The following PSD3 variants were observed in gnomAD, a reference collection of about 807,000 sequenced individuals.
PSD3 encodes the protein PH and SEC7 domain-containing protein 3.
Under a neutral mutation model 105.5 loss-of-function variants are expected in PSD3, and 49 were observed. That is an observed-to-expected ratio of 0.46 (90% confidence interval 0.37 to 0.59). PSD3 has a LOEUF of 0.59. Among genes scored for constraint, PSD3 ranks in the 20% least tolerant of loss-of-function variants. The probability of loss-of-function intolerance (pLI) is 0.00; values close to 1 mark genes in which losing one functional copy is unlikely to be tolerated. For synonymous variants in PSD3, 557 were observed against 457.8 expected, an observed-to-expected ratio of 1.22 and a Z score of -2.77; for missense variants, 1,561 against 1,263.8, an observed-to-expected ratio of 1.24 and a Z score of -3.57.
intron 12 of PSD3, among the ~76,000 whole-genome samples, chr8:18,592,395 C>G (rs1045984725): frequency 6.6e-6 from 1 of 151,860 alleles, no homozygotes; most frequent in Non-Finnish European, 1.5e-5. Flanking sequence ...TTATGCAGAC[C>G]AACACATTAT....
At chr8:18,757,226 G>A (rs1367442880) in intron 9 of PSD3, among the ~76,000 whole-genome samples, 4 of 150,912 alleles carry the variant, frequency 2.7e-5, no homozygotes, top group Admixed American at 2.0e-4. Context: ...GCCGAGGTGG[G>A]TGGATCATTT....
chr8:18,599,412 G>C (rs1001408802), intron 12 of PSD3, among the ~76,000 whole-genome samples: 1 of 152,164 alleles, frequency 6.6e-6, no homozygotes, highest in African/African-American at 2.4e-5. Context: ...CACAAGAAAT[G>C]AAATTAGGAT....
intron 10 of PSD3, among the ~76,000 whole-genome samples, chr8:18,651,249 C>G (rs952169817): frequency 3.9e-5 from 6 of 152,154 alleles, no homozygotes; most frequent in African/African-American, 1.4e-4. Context: ...TTACACTGAA[C>G]CCAGTCAGAA....
At chr8:18,742,293 A>C (rs1439266794) in intron 9 of PSD3, among the ~76,000 whole-genome samples, 6 of 152,160 alleles carry the variant, frequency 3.9e-5, no homozygotes, top group Non-Finnish European at 2.9e-5. Context: ...CCAAGCAACC[A>C]ACCTAGTATC....
intron 2 of PSD3, among the ~76,000 whole-genome samples, chr8:18,933,581 C>T (rs1821888583): frequency 1.3e-5 from 2 of 152,150 alleles, no homozygotes; most frequent in Non-Finnish European, 2.9e-5. Flanking sequence ...GATTCTCGTG[C>T]CTCAGCCTCC....
intron 2 of PSD3, among the ~76,000 whole-genome samples, chr8:18,895,960 A>C (rs1355938493): frequency 4.0e-5 from 6 of 151,600 alleles, no homozygotes; most frequent in African/African-American, 1.5e-4. Context: ...GGCTATACCT[A>C]CTCCCCTTCC....
intron 4 of PSD3, among the ~76,000 whole-genome samples, chr8:18,807,326 G>A (rs899248213): frequency 3.3e-5 from 5 of 152,114 alleles, no homozygotes; most frequent in Admixed American, 2.6e-4. Flanking sequence ...AACCACCACA[G>A]GATTAGAAGG....
At position 18,804,715 on chromosome 8, in the gene PSD3, G is replaced by T. The variant is rs1157751792; in HGVS notation, c.1818C>A (p.His606Gln). ...GGGTCAGAACGTACTTCTTGCCAAG[G>T]TGTTTTGCAACATCTGATCTTTTGA... ...DRFKRSDVAK[H>Q]LGKNNEFSKL... Residue 606 changes from histidine to glutamine, a missense_variant, in exon 5 of 16, where the codon CAC becomes CAA. Transcript: ENST00000327040. The T allele has an allele frequency of 5.0e-6, 8 of 1,613,716 alleles. No homozygotes were observed. The highest frequency in any genetic ancestry group is 6.8e-6 in the Non-Finnish European group (8 of 1,179,896).
At chr8:18,628,052 T>C (rs1459961669) in intron 11 of PSD3, among the ~76,000 whole-genome samples, 1 of 151,472 alleles carries the variant, frequency 6.6e-6, no homozygotes, top group Non-Finnish European at 1.5e-5. Flanking sequence ...ATGAAGTAAA[T>C]GAAGAATAAA....
intron 4 of PSD3, among the ~76,000 whole-genome samples, chr8:18,824,031 G>C (rs1382790169): frequency 6.6e-6 from 1 of 152,026 alleles, no homozygotes; most frequent in Admixed American, 6.6e-5. Context: ...CAAATTTCCA[G>C]GCTTATCTGT....
At chr8:18,816,682 TAATAAGAGAGAGAAAC>T (rs1338238760) in intron 4 of PSD3, among the ~76,000 whole-genome samples, 1 of 152,200 alleles carries the variant, frequency 6.6e-6, no homozygotes, top group Non-Finnish European at 1.5e-5. Flanking sequence ...TTTTACCTTC[TAATAAGAGAGAGAAAC>T]AATAAAATAC....
chr8:18,995,156 G>A lies in PSD3; in HGVS notation c.21+18407C>T, dbSNP rs536063248. Among the ~76,000 whole-genome samples the A allele has an allele frequency of 4.6e-5, 7 of 152,242 alleles. No homozygotes were observed. The South Asian group carries it at 1.5e-3, about 32-fold the overall frequency. ...CCAGAGAATTTAAAAGCTGACAACT[G>A]AACTGGCAAATTGGCCCCAGTACTG... On this transcript the variant is annotated intron_variant, in intron 1 of 15. Coordinates refer to ENST00000327040, the MANE Select transcript of PSD3 (RefSeq NM_015310.4).
chr8:18,625,314 G>A (rs1480563273), intron 11 of PSD3, among the ~76,000 whole-genome samples: 1 of 151,836 alleles, frequency 6.6e-6, no homozygotes, highest in Non-Finnish European at 1.5e-5. Context: ...GGAGACTGCT[G>A]CTTCTGGGTT....
intron 4 of PSD3, among the ~76,000 whole-genome samples, chr8:18,822,000 T>C (rs968724211): frequency 3.3e-5 from 5 of 152,040 alleles, no homozygotes; most frequent in African/African-American, 9.7e-5. Context: ...AGAGTCACAA[T>C]GCACCTTAGT....
chr8:18,827,268 C>T (rs1813271429), intron 4 of PSD3, among the ~76,000 whole-genome samples: 3 of 152,136 alleles, frequency 2.0e-5, no homozygotes, highest in Non-Finnish European at 4.4e-5. Context: ...CACACACAAC[C>T]CTGAACCAAA....
Position 19,013,659 on chromosome 8 carries a change from C to G in PSD3, c.-76G>C, listed in dbSNP as rs1827063406. On this transcript the variant is annotated 5_prime_UTR_variant, in exon 1 of 16. Coordinates refer to ENST00000327040, the MANE Select transcript of PSD3 (RefSeq NM_015310.4). ...GGCCGCAGCCTCAGGGCGCGAGTGC[C>G]GGCGGCCAGCGCCGCGTGCTCTTTG... 1.2e-5 allele frequency: 14 copies of G among 1,199,020 alleles called. No homozygotes were observed. The South Asian group carries it at 2.3e-4, about 20-fold the overall frequency. 74.3% of individuals were successfully genotyped at this position (1,199,020 alleles called of 1,614,324 possible).
chr8:18,659,374 C>T (rs1239294112), intron 9 of PSD3, among the ~76,000 whole-genome samples: 1 of 152,204 alleles, frequency 6.6e-6, no homozygotes, highest in Non-Finnish European at 1.5e-5. Context: ...AAGGGAAGAA[C>T]CAACAAAATG....
At position 18,571,096 on chromosome 8, in the gene PSD3, G is replaced by C. The variant is rs182489533; in HGVS notation, c.2784+1432C>G. On this transcript the variant is annotated intron_variant, in intron 14 of 15. Coordinates refer to ENST00000327040, the MANE Select transcript of PSD3 (RefSeq NM_015310.4). The stretch of plus-strand genomic sequence containing the variant: ...GGCTGGTCTCAAACTCCTGACCTCA[G>C]GTGATCTGCCCACCTCGGCTTCCAA... Among the ~76,000 whole-genome samples the C allele has an allele frequency of 1.7e-3, 266 of 152,072 alleles. 1 individual carries two copies. Among genetic ancestry groups the C allele is most frequent in the African/African-American group, 6.2e-3 (257 of 41,482 alleles).
At chr8:18,724,349 T>A (rs942052831) in intron 9 of PSD3, among the ~76,000 whole-genome samples, 2 of 152,168 alleles carry the variant, frequency 1.3e-5, no homozygotes, top group African/African-American at 4.8e-5. Context: ...TGGTGGCTCA[T>A]GCTTGTAATC....
Sources: allele counts gnomAD v4.1 joint callset (sites outside exome capture counted in the v4.1 genomes callset), GRCh38; gene constraint gnomAD v4.1.1; transcripts MANE v1.5; gene names NCBI Gene and HGNC (gene_info 2026-07-23, HGNC 2026-07-21).